Variants in ANKS1B observed in about 807,000 individuals in gnomAD.
ANKS1B encodes ankyrin repeat and sterile alpha motif domain containing 1B.
ANKS1B carries 36 observed loss-of-function variants against 148.3 expected under a neutral mutation model. The ratio of observed to expected loss-of-function variants is 0.24; its 90% CI spans 0.19 to 0.32. The LOEUF (loss-of-function observed/expected upper bound fraction) is 0.32. Among genes scored for constraint, ANKS1B ranks in the 10% least tolerant of loss-of-function variants. ANKS1B has a pLI of 1.00. For missense variants in ANKS1B, 1,157 were observed against 1,542.6 expected, an observed-to-expected ratio of 0.75 and a Z score of 4.19; for synonymous variants, 542 against 560.8, an observed-to-expected ratio of 0.97 and a Z score of 0.47.
At chr12:99,273,978 C>A (rs2077375089) in intron 12 of ANKS1B, among the ~76,000 whole-genome samples, 1 of 151,998 alleles carries the variant, frequency 6.6e-6, no homozygotes, top group South Asian at 2.1e-4. Flanking sequence ...CCAGGGAAGC[C>A]AAAAGATTGG....
At chr12:98,858,818 T>C (rs2152101421) in intron 17 of ANKS1B, among the ~76,000 whole-genome samples, 1 of 152,330 alleles carries the variant, frequency 6.6e-6, no homozygotes, top group Admixed American at 6.5e-5. Flanking sequence ...GTATGCTCTC[T>C]GGAAGATCTA....
chr12:99,896,913 G>C (rs1184270548), intron 1 of ANKS1B, among the ~76,000 whole-genome samples: 1 of 151,328 alleles, frequency 6.6e-6, no homozygotes, highest in Middle Eastern at 3.2e-3. Flanking sequence ...GCTTCAGGAA[G>C]TAATTCATTT....
chr12:99,778,508 CAAAAAAA>C (rs57712696), intron 6 of ANKS1B, among the ~76,000 whole-genome samples: 4 of 57,440 alleles, frequency 7.0e-5, no homozygotes, highest in East Asian at 5.5e-4. Flanking sequence ...AACTCTTTCT[CAAAAAAA>C]AAAAAAAAAA....
intron 9 of ANKS1B, among the ~76,000 whole-genome samples, chr12:99,629,370 C>T (rs957060051): frequency 6.6e-6 from 1 of 152,060 alleles, no homozygotes; most frequent in African/African-American, 2.4e-5. Flanking sequence ...GAGAAAAAAA[C>T]TTGAACAACT....
At chr12:99,342,981 A>G (rs2090153001) in intron 12 of ANKS1B, among the ~76,000 whole-genome samples, 1 of 151,938 alleles carries the variant, frequency 6.6e-6, no homozygotes, top group South Asian at 2.1e-4. Context: ...TATATTTTTA[A>G]TCAAATAGAA....
At chr12:99,526,157 G>C (rs1413368957) in intron 9 of ANKS1B, among the ~76,000 whole-genome samples, 1 of 152,008 alleles carries the variant, frequency 6.6e-6, no homozygotes, top group South Asian at 2.1e-4. Context: ...GTGTTAGTGA[G>C]GGTTTGAAAA....
chr12:99,866,084 G>C (rs1180558710), intron 1 of ANKS1B, among the ~76,000 whole-genome samples: 1 of 152,098 alleles, frequency 6.6e-6, no homozygotes, highest in Non-Finnish European at 1.5e-5. Flanking sequence ...GTATCTTGCT[G>C]TTCAGAAACC....
chr12:99,943,633 T>C (rs1055142438), intron 1 of ANKS1B, among the ~76,000 whole-genome samples: 2 of 152,020 alleles, frequency 1.3e-5, no homozygotes, highest in African/African-American at 2.4e-5. Flanking sequence ...TCGTGAGACT[T>C]ACTCACTATC....
intron 9 of ANKS1B, among the ~76,000 whole-genome samples, chr12:99,516,169 G>A (rs2096818791): frequency 6.6e-6 from 1 of 152,016 alleles, no homozygotes; most frequent in African/African-American, 2.4e-5. Context: ...GCTCCCATTT[G>A]TCCATTTTTG....
intron 14 of ANKS1B, among the ~76,000 whole-genome samples, chr12:99,189,002 A>G (rs1004459229): frequency 3.3e-5 from 5 of 152,188 alleles, no homozygotes; most frequent in African/African-American, 1.2e-4. Context: ...AAAAATGATA[A>G]AGGAGATATC....
intron 15 of ANKS1B, among the ~76,000 whole-genome samples, chr12:99,137,023 G>C (rs768472511): frequency 2.6e-5 from 4 of 152,018 alleles, no homozygotes; most frequent in African/African-American, 9.7e-5. Context: ...CCTCATTCTC[G>C]TTTCCAAGAG....
intron 12 of ANKS1B, among the ~76,000 whole-genome samples, chr12:99,332,354 T>C (rs1304161583): frequency 1.3e-5 from 2 of 152,070 alleles, no homozygotes; most frequent in Non-Finnish European, 2.9e-5. Context: ...ATTACAACTG[T>C]ACATCATTTA....
chr12:99,160,276 G>T (rs2153829544), intron 14 of ANKS1B, among the ~76,000 whole-genome samples: 1 of 151,220 alleles, frequency 6.6e-6, no homozygotes, highest in Admixed American at 6.6e-5. Flanking sequence ...TGCTTTTGAG[G>T]ATTTAGTCAT....
intron 17 of ANKS1B, among the ~76,000 whole-genome samples, chr12:98,953,797 T>G (rs191599567): frequency 6.6e-6 from 1 of 151,886 alleles, no homozygotes; most frequent in Non-Finnish European, 1.5e-5. Flanking sequence ...CCTCTGGTAA[T>G]TTTTTTTCCA....
chr12:99,860,176 G>A (rs2089835891), intron 1 of ANKS1B, among the ~76,000 whole-genome samples: 3 of 152,168 alleles, frequency 2.0e-5, no homozygotes, highest in Admixed American at 2.0e-4. Flanking sequence ...ATTCTATTTA[G>A]GACACAGTGA....
intron 1 of ANKS1B, among the ~76,000 whole-genome samples, chr12:99,937,672 C>A (rs2094813931): frequency 6.6e-6 from 1 of 152,120 alleles, no homozygotes; most frequent in Non-Finnish European, 1.5e-5. Flanking sequence ...ACTGATTTAA[C>A]AAGGTGATCT....
chr12:99,685,715 G>A (rs772804213), intron 8 of ANKS1B, among the ~76,000 whole-genome samples: 4 of 151,740 alleles, frequency 2.6e-5, no homozygotes, highest in Non-Finnish European at 4.4e-5. Flanking sequence ...TAAAGAAAAC[G>A]TGGGGTGTGT....
intron 15 of ANKS1B, among the ~76,000 whole-genome samples, chr12:99,098,602 A>G (rs933913802): frequency 1.5e-5 from 2 of 135,732 alleles, no homozygotes; most frequent in African/African-American, 2.8e-5. Flanking sequence ...AAAATAAAGC[A>G]TGCCTGCTAG....
intron 17 of ANKS1B, among the ~76,000 whole-genome samples, chr12:98,852,912 T>C (rs1405929910): frequency 6.6e-6 from 1 of 152,224 alleles, no homozygotes; most frequent in Non-Finnish European, 1.5e-5. Context: ...CAAATCTGTC[T>C]TCCTCATTCA....
Sources: gnomAD v4.1 joint callset for allele counts (sites outside exome capture counted in the v4.1 genomes callset) on GRCh38, gnomAD v4.1.1 for gene constraint, MANE v1.5 for transcripts, NCBI Gene and HGNC (gene_info 2026-07-23, HGNC 2026-07-21) for gene names.